TEX9: variants seen among roughly 807,000 people sequenced by gnomAD.
TEX9 encodes testis-expressed protein 9.
TEX9 carries 74 observed loss-of-function variants against 59.6 expected under a neutral mutation model. The ratio of observed to expected loss-of-function variants is 1.24; its 90% CI spans 1.03 to 1.51. The LOEUF is 1.51. TEX9 is among the 40% of genes most tolerant of loss of function. The pLI is 0.00. For synonymous variants in TEX9, 186 were observed against 152.2 expected (o/e 1.22, Z -1.64); for missense variants, 522 against 447.8 (o/e 1.17, Z -1.49).
At chr15:56,426,589 G>GTATATA (rs71110391) in intron 10 of TEX9, among the ~76,000 whole-genome samples, 585 of 24,204 alleles carry the variant, frequency 0.024, 26 homozygotes, top group Non-Finnish European at 0.053. Flanking sequence ...TTGAAAAGGT[G>GTATATA]TATATATATA....
chr15:56,263,148 C>T lies in TEX9; in HGVS notation c.-107+18870C>T, dbSNP rs963283911. 2.6e-5 allele frequency among the ~76,000 whole-genome samples: 4 copies of T among 152,090 alleles called. 1 individual carries two copies. Among genetic ancestry groups the T allele is most frequent in the Non-Finnish European group, 5.9e-5 (4 of 68,016 alleles). Reference sequence around the variant, plus strand: ...AAGCGATTCTCCTGCCTCAGCCTCCCGAGTAGCTGGGATTACAGTCATTTG... The same window carrying T: ...AAGCGATTCTCCTGCCTCAGCCTCCTGAGTAGCTGGGATTACAGTCATTTG... On this transcript the variant is annotated intron_variant, in intron 1 of 5. Coordinates refer to the TEX9 transcript ENST00000560827.
At chr15:56,415,685 TTTG>T (rs2049644410) in intron 10 of TEX9, among the ~76,000 whole-genome samples, 1 of 151,934 alleles carries the variant, frequency 6.6e-6, no homozygotes, top group Non-Finnish European at 1.5e-5. Flanking sequence ...TGCCTCCAAC[TTTG>T]TTCTTTTTGC....
At chr15:56,280,942 T>A (rs1485959676) in intron 1 of TEX9, among the ~76,000 whole-genome samples, 1 of 152,206 alleles carries the variant, frequency 6.6e-6, no homozygotes, top group Non-Finnish European at 1.5e-5. Flanking sequence ...CAAAGCAAAG[T>A]TGACATTCAT....
At chr15:56,366,889 C>T (rs1222057943) in intron 2 of TEX9, among the ~76,000 whole-genome samples, 4 of 152,178 alleles carry the variant, frequency 2.6e-5, no homozygotes, top group Admixed American at 1.3e-4. Flanking sequence ...ATATCTTCTT[C>T]TCTCTGATGA....
chr15:56,279,989 C>T (rs2044776646), intron 1 of TEX9, among the ~76,000 whole-genome samples: 1 of 152,192 alleles, frequency 6.6e-6, no homozygotes, highest in African/African-American at 2.4e-5. Context: ...TAAGCTGTAG[C>T]TCCCAGTCAG....
intron 1 of TEX9, among the ~76,000 whole-genome samples, chr15:56,303,147 T>C (rs1449487631): frequency 7.2e-5 from 11 of 152,154 alleles, no homozygotes; most frequent in Non-Finnish European, 1.2e-4. Context: ...ATTGGACAGA[T>C]CATCCAGGTA....
chr15:56,408,757 T>C (rs1347203813), intron 9 of TEX9: 2 of 152,238 alleles, frequency 1.3e-5, no homozygotes, highest in African/African-American at 4.8e-5. Context: ...ACAAGTCCTG[T>C]CAATTCTGTC....
chr15:56,285,819 C>T (rs1310269683), intron 1 of TEX9, among the ~76,000 whole-genome samples: 1 of 152,050 alleles, frequency 6.6e-6, no homozygotes, highest in Non-Finnish European at 1.5e-5. Context: ...ATAGGTAAAA[C>T]CTCAGTATAC....
At position 56,310,611 on chromosome 15, in the gene TEX9, A is replaced by G. The variant is rs187189290; in HGVS notation, c.-106-62830A>G. ...ATTGCTGGTCTATTATGATCCCTGC[A>G]CCAGCTCTGCCAAGTAGGCTAGCCA... On this transcript the variant is annotated intron_variant, in intron 1 of 5. Transcript: ENST00000560827. Among the ~76,000 whole-genome samples the G allele has an allele frequency of 3.7e-3, 569 of 152,264 alleles. 28 individuals carry two copies. The East Asian group carries it at 0.1, about 27-fold the overall frequency.
At chr15:56,319,528 G>A (rs770018060) in intron 1 of TEX9, among the ~76,000 whole-genome samples, 1 of 152,032 alleles carries the variant, frequency 6.6e-6, no homozygotes, top group Non-Finnish European at 1.5e-5. Flanking sequence ...ACCCTTTCAA[G>A]CTTTTCGTGT....
chr15:56,414,420 A>G lies in TEX9; in HGVS notation c.963+1984A>G, dbSNP rs367898448. 2.0e-5 allele frequency among the ~76,000 whole-genome samples: 3 copies of G among 151,488 alleles called. No homozygotes were observed. In the East Asian group the frequency reaches 5.8e-4, roughly 29 times the overall value. ...ACCTTCCCCACTTCAAGTAGACCCC[A>G]ATGTCTGTTTCCTTCTTTGTGTTCT... On this transcript the variant is annotated intron_variant, in intron 10 of 12. Coordinates refer to ENST00000352903, the Ensembl canonical transcript of TEX9.
At chr15:56,289,188 C>G (rs1179147981) in intron 1 of TEX9, among the ~76,000 whole-genome samples, 8 of 152,142 alleles carry the variant, frequency 5.3e-5, no homozygotes, top group Non-Finnish European at 1.0e-4. Context: ...TTCCTTTAAA[C>G]AATTATTTTG....
At chr15:56,398,174 C>G (rs1300175999) in intron 9 of TEX9, 15 of 151,968 alleles carry the variant, frequency 9.9e-5, no homozygotes, top group African/African-American at 3.4e-4. Flanking sequence ...TGTGCTATAA[C>G]TATAAAGTAA....
At chr15:56,295,005 A>G (rs2141527099) in intron 1 of TEX9, among the ~76,000 whole-genome samples, 1 of 152,180 alleles carries the variant, frequency 6.6e-6, no homozygotes, top group East Asian at 1.9e-4. Context: ...GTTTTTTCAT[A>G]TATATATATG....
intron 12 of TEX9, chr15:56,428,779 C>T (rs570586588): frequency 3.2e-5 from 11 of 349,108 alleles, no homozygotes; most frequent in Non-Finnish European, 5.1e-5. Context: ...AAGTAAAGTT[C>T]GTAAACACAG....
chr15:56,364,354 T>C (rs1210081500), upstream of TEX9, among the ~76,000 whole-genome samples: 1 of 151,424 alleles, frequency 6.6e-6, no homozygotes, highest in Non-Finnish European at 1.5e-5. Context: ...GGTTTCTCCA[T>C]ATTGGTCAGG....
At chr15:56,443,525 A>C in intron 12 of TEX9, 1 of 1,592,346 alleles carries the variant, frequency 6.3e-7, no homozygotes, top group Non-Finnish European at 8.5e-7. Flanking sequence ...ATTTCTTCTA[A>C]TTTCTGTGTC....
At chr15:56,354,437 C>G (rs2046647530) in intron 1 of TEX9, among the ~76,000 whole-genome samples, 1 of 151,974 alleles carries the variant, frequency 6.6e-6, no homozygotes, top group Admixed American at 6.6e-5. Flanking sequence ...GTTGATCTCT[C>G]AAAGTAAAAA....
the TEX9 span, chr15:56,456,280 A>AT: frequency 1.1e-6 from 1 of 947,584 alleles, no homozygotes; most frequent in Non-Finnish European, 1.5e-6. Flanking sequence ...TCCAGGTAAA[A>AT]TATTAACTAA....
Sources: gnomAD v4.1 joint callset for allele counts (sites outside exome capture counted in the v4.1 genomes callset) on GRCh38, gnomAD v4.1.1 for gene constraint, MANE v1.5 for transcripts, NCBI Gene and HGNC (gene_info 2026-07-23, HGNC 2026-07-21) for gene names.